Variants in LARGE1 observed in about 807,000 individuals in gnomAD.
LARGE1 encodes LARGE xylosyl- and glucuronyltransferase 1.
LARGE1 carries 43 observed loss-of-function variants against 87.6 expected under a neutral mutation model. The observed-to-expected ratio is 0.49, with a 90% CI of 0.38 to 0.63. LARGE1 has a LOEUF of 0.63. LARGE1 is among the 30% of genes least tolerant of loss of function. The probability of loss-of-function intolerance (pLI) is 0.00; values close to 1 mark genes in which losing one functional copy is unlikely to be tolerated. For synonymous variants in LARGE1, 434 were observed against 394.6 expected (o/e 1.10, Z -1.18); for missense variants, 802 against 1,000.2 (o/e 0.80, Z 2.67).
chr22:33,839,474 A>G (rs1054041419), intron 1 of LARGE1, among the ~76,000 whole-genome samples: 7 of 152,224 alleles, frequency 4.6e-5, no homozygotes, highest in Admixed American at 3.3e-4. Flanking sequence ...AGAAAAAAGC[A>G]TGTTTTCCTC....
At chr22:33,109,546 A>T in the LARGE1 span, among the ~76,000 whole-genome samples, 1 of 152,316 alleles carries the variant, frequency 6.6e-6, no homozygotes, top group East Asian at 1.9e-4. Flanking sequence ...GGGGATGAGG[A>T]AATGTACCTT....
At chr22:33,615,438 T>TA (rs1430221160) in intron 4 of LARGE1, among the ~76,000 whole-genome samples, 3 of 152,098 alleles carry the variant, frequency 2.0e-5, no homozygotes, top group Admixed American at 1.3e-4. Flanking sequence ...GTTTCTTAGA[T>TA]ATGGTCCCTG....
rs765170403 is a variant in LARGE1 at position 33,301,312 on chromosome 22, G to A, written c.1730+2917C>T. 2.4e-4 allele frequency among the ~76,000 whole-genome samples: 37 copies of A among 152,088 alleles called. 2 individuals are homozygous for A. The highest frequency in any genetic ancestry group is 7.4e-5 in the Non-Finnish European group (5 of 68,026). The stretch of plus-strand genomic sequence containing the variant: ...CTCATTGATTCTCATAAATACTTTG[G>A]TGCCTAGGAATTGTCTAGGTCAGAG... On this transcript the variant is annotated intron_variant, in intron 12 of 14. Coordinates refer to ENST00000397394, the MANE Select transcript of LARGE1 (RefSeq NM_133642.5).
intron 12 of LARGE1, among the ~76,000 whole-genome samples, chr22:33,299,120 G>C (rs572119096): frequency 6.6e-6 from 1 of 152,094 alleles, no homozygotes; most frequent in Admixed American, 6.5e-5. Context: ...ACTAAAGTGG[G>C]AGCATCGCTT....
chr22:33,140,964 C>T, the LARGE1 span, among the ~76,000 whole-genome samples: 1 of 151,856 alleles, frequency 6.6e-6, no homozygotes, highest in African/African-American at 2.4e-5. Context: ...TACTACATGC[C>T]CTTAGGACAA....
chr22:33,395,006 C>T (rs1275136108), intron 7 of LARGE1, among the ~76,000 whole-genome samples: 2 of 151,982 alleles, frequency 1.3e-5, no homozygotes, highest in African/African-American at 4.8e-5. Flanking sequence ...GCTGGCAGAT[C>T]ACGAGGTCAG....
intron 6 of LARGE1, among the ~76,000 whole-genome samples, chr22:33,551,724 A>C (rs1234243296): frequency 6.6e-6 from 1 of 152,176 alleles, no homozygotes; most frequent in Non-Finnish European, 1.5e-5. Flanking sequence ...TGTCCTTGGA[A>C]AGCCCTGTCC....
chr22:33,427,873 C>T (rs112956307), intron 7 of LARGE1, among the ~76,000 whole-genome samples: 90 of 152,352 alleles, frequency 5.9e-4, no homozygotes, highest in African/African-American at 1.8e-3. Flanking sequence ...AAAGCAACAA[C>T]GCCAGGTCTT....
At chr22:33,381,895 G>C (rs1317735989) in intron 9 of LARGE1, 24 bp downstream of exon 9, 1 of 1,613,718 alleles carries the variant, frequency 6.2e-7, no homozygotes, top group Admixed American at 1.7e-5. Context: ...CCTACCTCCA[G>C]GGATGTCCCT....
chr22:33,364,663 T>C (rs1327058061), intron 9 of LARGE1, among the ~76,000 whole-genome samples: 1 of 152,230 alleles, frequency 6.6e-6, no homozygotes, highest in African/African-American at 2.4e-5. Context: ...CTTTTGTGTT[T>C]GGCTTAGGTC....
chr22:33,630,797 ATTAAAC>A (rs2080084934), intron 3 of LARGE1, among the ~76,000 whole-genome samples: 2 of 152,190 alleles, frequency 1.3e-5, no homozygotes, highest in African/African-American at 4.8e-5. Flanking sequence ...TCAATAAAAA[ATTAAAC>A]TTAGCTTACT....
rs568728888 is a variant in LARGE1 at position 33,288,970 on chromosome 22, A to ATTC, written c.1731-5623_1731-5622insGAA. Reference sequence around the variant, plus strand: ...AGGAATTATTATTATTATTATTATTATTATTTTAGACAGAGTCTCGCTCTG... The same window carrying ATTC: ...AGGAATTATTATTATTATTATTATTATTCTTATTTTAGACAGAGTCTCGCTCTG... On this transcript the variant is annotated intron_variant, in intron 12 of 14. Transcript: ENST00000397394. Among the ~76,000 whole-genome samples the ATTC allele has an allele frequency of 1.7e-4, 26 of 150,600 alleles. No homozygotes were observed. The South Asian group carries it at 5.0e-3, about 29-fold the overall frequency.
At chr22:33,470,639 C>T (rs2068791989) in intron 6 of LARGE1, among the ~76,000 whole-genome samples, 1 of 152,220 alleles carries the variant, frequency 6.6e-6, no homozygotes, top group Non-Finnish European at 1.5e-5. Context: ...AAGGGCCCCT[C>T]ATTCCTCTCG....
At chr22:33,181,451 G>C (rs957045722) in intron 11 of LARGE1, among the ~76,000 whole-genome samples, 20 of 151,974 alleles carry the variant, frequency 1.3e-4, no homozygotes, top group African/African-American at 4.8e-4. Context: ...AAGTTACACT[G>C]CTAGGAAGTG....
intron 12 of LARGE1, 93 bp downstream of exon 12, chr22:33,304,136 G>C: frequency 1.4e-6 from 2 of 1,411,648 alleles, no homozygotes; most frequent in Middle Eastern, 1.8e-4. Context: ...AAACCTGTTG[G>C]ACTAGATGAT....
At chr22:33,331,064 C>CAGTG (rs1937630295) in intron 10 of LARGE1, among the ~76,000 whole-genome samples, 1 of 152,222 alleles carries the variant, frequency 6.6e-6, no homozygotes, top group South Asian at 2.1e-4. Context: ...ATGTGTGGAA[C>CAGTG]AGTGGATTAT....
At chr22:33,521,569 A>T (rs1321467525) in intron 6 of LARGE1, among the ~76,000 whole-genome samples, 1 of 152,128 alleles carries the variant, frequency 6.6e-6, no homozygotes, top group East Asian at 1.9e-4. Context: ...AAAACAAACG[A>T]CAAGACCGGC....
rs147991544 is a variant in LARGE1 at position 33,807,459 on chromosome 22, C to T, written c.-82-45901G>A. Among the ~76,000 whole-genome samples, 7 of 152,268 alleles carry T rather than the reference C, an allele frequency of 4.6e-5. No individual in the cohort carries two copies. The East Asian group carries it at 1.4e-3, about 29-fold the overall frequency. The stretch of plus-strand genomic sequence containing the variant: ...CCTGCTCCCACCTATGCACAGCTTC[C>T]CCCAATCTCAACATACCCCATCAGA... On this transcript the variant is annotated intron_variant, in intron 1 of 14. Coordinates refer to ENST00000397394, the MANE Select transcript of LARGE1 (RefSeq NM_133642.5).
chr22:33,555,224 A>G lies in LARGE1; in HGVS notation c.787+9624T>C, dbSNP rs138254347. Among the ~76,000 whole-genome samples the G allele has an allele frequency of 1.2e-3, 181 of 152,260 alleles. 1 individual carries two copies. The highest frequency in any genetic ancestry group is 3.9e-3 in the African/African-American group (162 of 41,544). ...ATGATGTGCAAATGCAATTTTTTATATATCAGGGACTTGAGCATCTGCAGA... is the reference window on the plus strand; with the variant it reads ...ATGATGTGCAAATGCAATTTTTTATGTATCAGGGACTTGAGCATCTGCAGA... On this transcript the variant is annotated intron_variant, in intron 6 of 14. Coordinates refer to ENST00000397394, the MANE Select transcript of LARGE1 (RefSeq NM_133642.5).
Sources: allele counts gnomAD v4.1 joint callset (sites outside exome capture counted in the v4.1 genomes callset), GRCh38; gene constraint gnomAD v4.1.1; transcripts MANE v1.5; gene names NCBI Gene and HGNC (gene_info 2026-07-23, HGNC 2026-07-21).